PCDH9: variants seen among roughly 807,000 people sequenced by gnomAD.
PCDH9 encodes protocadherin 9.
In PCDH9, 24 loss-of-function variants were observed where a neutral mutation model predicts 70.6. The observed-to-expected ratio is 0.34, with a 90% CI of 0.25 to 0.48. The LOEUF is 0.48. Among genes scored for constraint, PCDH9 ranks in the 20% least tolerant of loss-of-function variants. The probability of loss-of-function intolerance (pLI) is 0.99; values close to 1 mark genes in which losing one functional copy is unlikely to be tolerated. For missense variants in PCDH9, 1,281 were observed against 1,503.6 expected (o/e 0.85, Z 2.45); for synonymous variants, 562 against 558.5 (o/e 1.01, Z -0.09).
intron 4 of PCDH9, among the ~76,000 whole-genome samples, chr13:66,315,990 A>T (rs992402538): frequency 7.9e-5 from 12 of 152,224 alleles, no homozygotes; most frequent in Non-Finnish European, 1.8e-4. Context: ...CAAGGTGTTG[A>T]GAGGGCTGGT....
intron 3 of PCDH9, among the ~76,000 whole-genome samples, chr13:66,889,835 C>T (rs1012598652): frequency 6.6e-6 from 1 of 152,120 alleles, no homozygotes; most frequent in Admixed American, 6.6e-5. Context: ...TGTTTTTTAC[C>T]TGACTATGTA....
chr13:66,845,202 C>T (rs1262353513), intron 3 of PCDH9, among the ~76,000 whole-genome samples: 1 of 152,174 alleles, frequency 6.6e-6, no homozygotes, highest in Non-Finnish European at 1.5e-5. Flanking sequence ...GTTCATAGTG[C>T]CCAGGCTTAT....
At chr13:66,944,065 CTT>C (rs1258385212) in intron 2 of PCDH9, among the ~76,000 whole-genome samples, 2 of 151,966 alleles carry the variant, frequency 1.3e-5, no homozygotes, top group African/African-American at 2.4e-5. Flanking sequence ...TAGTAAATAA[CTT>C]TGAGAATCAT....
At chr13:66,645,902 C>A (rs2077764686) in intron 3 of PCDH9, among the ~76,000 whole-genome samples, 1 of 152,106 alleles carries the variant, frequency 6.6e-6, no homozygotes, top group Admixed American at 6.5e-5. Flanking sequence ...CAGAAAGATC[C>A]AATCTATACA....
intron 2 of PCDH9, among the ~76,000 whole-genome samples, chr13:66,930,349 T>C (rs2082787063): frequency 6.6e-6 from 1 of 152,174 alleles, no homozygotes; most frequent in Middle Eastern, 3.2e-3. Context: ...TACTTTCCTA[T>C]GCCCTGTCAG....
intron 3 of PCDH9, among the ~76,000 whole-genome samples, chr13:66,842,478 T>C (rs190535916): frequency 1.8e-3 from 273 of 152,284 alleles, no homozygotes; most frequent in Middle Eastern, 3.4e-3. Flanking sequence ...AGGCTTTGTA[T>C]GAGACTTCCA....
At chr13:66,505,256 T>C (rs1200354233) in intron 4 of PCDH9, among the ~76,000 whole-genome samples, 1 of 152,170 alleles carries the variant, frequency 6.6e-6, no homozygotes, top group Non-Finnish European at 1.5e-5. Context: ...GACTGGGTAT[T>C]TATAAAAAAG....
chr13:67,019,797 T>A (rs2084639118), intron 2 of PCDH9, among the ~76,000 whole-genome samples: 1 of 152,146 alleles, frequency 6.6e-6, no homozygotes, highest in African/African-American at 2.4e-5. Flanking sequence ...CTAGAAAGGC[T>A]AGAACAAAAC....
intron 3 of PCDH9, among the ~76,000 whole-genome samples, chr13:66,637,386 T>C (rs75321035): frequency 0.019 from 2,884 of 152,310 alleles, 89 homozygotes; most frequent in African/African-American, 0.065. Context: ...CTAGTACCTA[T>C]GTGTGTTCAT....
At chr13:67,188,918 TC>T (rs1004220305) in intron 2 of PCDH9, among the ~76,000 whole-genome samples, 32 of 152,008 alleles carry the variant, frequency 2.1e-4, no homozygotes, top group Admixed American at 8.5e-4. Flanking sequence ...TGATTTGTAG[TC>T]TTTTATCCCT....
At chr13:66,599,804 T>A (rs965891439) in intron 4 of PCDH9, among the ~76,000 whole-genome samples, 6 of 151,860 alleles carry the variant, frequency 4.0e-5, no homozygotes, top group African/African-American at 1.4e-4. Flanking sequence ...GTTTAGACTA[T>A]ATCTACTAGA....
chr13:66,957,190 T>C (rs142669877), intron 2 of PCDH9, among the ~76,000 whole-genome samples: 41 of 152,326 alleles, frequency 2.7e-4, no homozygotes, highest in African/African-American at 8.7e-4. Context: ...TATTGACTAA[T>C]ATTGAGACTT....
At chr13:67,003,309 G>T (rs1032431849) in intron 2 of PCDH9, among the ~76,000 whole-genome samples, 45 of 152,022 alleles carry the variant, frequency 3.0e-4, no homozygotes, top group African/African-American at 1.1e-3. Context: ...TTACTAAAAA[G>T]CCATTTTATA....
intron 2 of PCDH9, among the ~76,000 whole-genome samples, chr13:67,121,644 G>A (rs1172313901): frequency 1.3e-5 from 2 of 152,148 alleles, no homozygotes; most frequent in African/African-American, 4.8e-5. Flanking sequence ...GCTAGAAATA[G>A]TACTTGTATA....
At chr13:67,222,317 A>G (rs1425493335) in intron 2 of PCDH9, 2 of 151,092 alleles carry the variant, frequency 1.3e-5, no homozygotes, top group East Asian at 3.9e-4. Flanking sequence ...CTTAACCTAT[A>G]AAGGCTAATC....
intron 4 of PCDH9, among the ~76,000 whole-genome samples, chr13:66,341,899 A>G (rs1199155658): frequency 6.6e-6 from 1 of 152,198 alleles, no homozygotes; most frequent in Non-Finnish European, 1.5e-5. Flanking sequence ...ACTTACGTGC[A>G]CTTTGCTAGC....
chr13:66,536,988 C>T (rs1960732958), intron 4 of PCDH9, among the ~76,000 whole-genome samples: 1 of 152,078 alleles, frequency 6.6e-6, no homozygotes, highest in African/African-American at 2.4e-5. Flanking sequence ...CTTGGGGGTA[C>T]AACATGGAAT....
chr13:66,824,885 A>G (rs2080790682), intron 3 of PCDH9, among the ~76,000 whole-genome samples: 1 of 151,596 alleles, frequency 6.6e-6, no homozygotes, highest in South Asian at 2.1e-4. Context: ...AAAAGACTCT[A>G]TCCTCATAAC....
intron 3 of PCDH9, among the ~76,000 whole-genome samples, chr13:66,772,542 C>G (rs944633292): frequency 1.4e-4 from 22 of 152,142 alleles, no homozygotes; most frequent in Middle Eastern, 3.4e-3. Flanking sequence ...ATAAAATTAA[C>G]TTAATCAAAC....
Sources: gnomAD v4.1 joint callset for allele counts (sites outside exome capture counted in the v4.1 genomes callset) on GRCh38, gnomAD v4.1.1 for gene constraint, MANE v1.5 for transcripts, NCBI Gene and HGNC (gene_info 2026-07-23, HGNC 2026-07-21) for gene names.